The following COL14A1 variants were observed in gnomAD, a reference collection of about 807,000 sequenced individuals.
COL14A1 encodes the protein collagen alpha-1(XIV) chain.
In COL14A1, 136 loss-of-function variants were observed where a neutral mutation model predicts 230.3. That is an observed-to-expected ratio of 0.59 (90% CI 0.51 to 0.68). The LOEUF (loss-of-function observed/expected upper bound fraction) is 0.68. COL14A1 is among the 30% of genes least tolerant of loss of function. The pLI, the probability that COL14A1 is intolerant of heterozygous loss-of-function variation, is 0.00. For synonymous variants in COL14A1, 792 were observed against 784.1 expected (o/e 1.01, Z -0.17); for missense variants, 1,976 against 2,215.8 (o/e 0.89, Z 2.17).
At chr8:120,268,007 G>C (rs1819547627) in intron 25 of COL14A1, among the ~76,000 whole-genome samples, 1 of 151,744 alleles carries the variant, frequency 6.6e-6, no homozygotes, top group Non-Finnish European at 1.5e-5. Context: ...AAGTTGTTGA[G>C]AGCTTAAAGC....
intron 14 of COL14A1, among the ~76,000 whole-genome samples, chr8:120,218,898 A>G (rs559639110): frequency 1.3e-5 from 2 of 152,280 alleles, no homozygotes; most frequent in South Asian, 4.1e-4. Flanking sequence ...TATCAATTTA[A>G]AAGAGTTGAC....
chr8:120,287,228 A>C (rs1216831951), intron 33 of COL14A1, among the ~76,000 whole-genome samples: 2 of 151,910 alleles, frequency 1.3e-5, no homozygotes, highest in Non-Finnish European at 2.9e-5. Flanking sequence ...AAAAAAAAAA[A>C]CAACTTGCTT....
intron 5 of COL14A1, among the ~76,000 whole-genome samples, chr8:120,175,509 C>T (rs546604747): frequency 5.7e-4 from 87 of 152,180 alleles, no homozygotes; most frequent in South Asian, 3.3e-3. Context: ...TCAGTGTTCT[C>T]ATTTTCTGGG....
intron 5 of COL14A1, among the ~76,000 whole-genome samples, chr8:120,181,279 A>G (rs1252750192): frequency 1.3e-5 from 2 of 152,216 alleles, no homozygotes; most frequent in South Asian, 4.1e-4. Context: ...CACTATTAAG[A>G]TGAACTTGTT....
chr8:120,369,873 G>C (rs1421239128), intron 47 of COL14A1, among the ~76,000 whole-genome samples: 1 of 152,110 alleles, frequency 6.6e-6, no homozygotes, highest in African/African-American at 2.4e-5. Context: ...TTTTACTCTT[G>C]GTTTGGGGAA....
chr8:120,130,218 G>A (rs1008290977), intron 1 of COL14A1, among the ~76,000 whole-genome samples: 11 of 152,158 alleles, frequency 7.2e-5, no homozygotes, highest in African/African-American at 1.9e-4. Flanking sequence ...CTTTTCTGAC[G>A]AAGGAAGCAA....
chr8:120,153,641 GATTC>G (rs1815366018), intron 2 of COL14A1, among the ~76,000 whole-genome samples: 1 of 152,136 alleles, frequency 6.6e-6, no homozygotes, highest in Non-Finnish European at 1.5e-5. Context: ...CTCTCAATGT[GATTC>G]ATGCTGCATT....
chr8:120,164,694 C>G (rs1815806000), intron 4 of COL14A1, among the ~76,000 whole-genome samples: 1 of 152,154 alleles, frequency 6.6e-6, no homozygotes, highest in Non-Finnish European at 1.5e-5. Context: ...TGTCTGGGAG[C>G]TTTGGAAAAG....
intron 35 of COL14A1, among the ~76,000 whole-genome samples, chr8:120,300,134 TA>T (rs1225371522): frequency 6.6e-6 from 1 of 152,010 alleles, no homozygotes; most frequent in African/African-American, 2.4e-5. Context: ...ATGACAACAA[TA>T]TTCCCTAAGA....
At chr8:120,248,731 C>T (rs1351843354) in intron 21 of COL14A1, among the ~76,000 whole-genome samples, 2 of 151,912 alleles carry the variant, frequency 1.3e-5, no homozygotes, top group South Asian at 2.1e-4. Context: ...TGGCATGCAC[C>T]GTACCCCCAG....
intron 22 of COL14A1, among the ~76,000 whole-genome samples, chr8:120,254,806 G>A (rs966555995): frequency 6.6e-5 from 7 of 106,016 alleles, no homozygotes; most frequent in Non-Finnish European, 9.0e-5. Context: ...GCAACATGGC[G>A]AAACACTGCC....
intron 14 of COL14A1, 24 bp from the exon 15 acceptor site, chr8:120,225,064 T>A (rs987365660): frequency 6.2e-7 from 1 of 1,603,252 alleles, no homozygotes; most frequent in Non-Finnish European, 8.5e-7. Context: ...ATAGAGCTGT[T>A]ATTATGACTT....
intron 14 of COL14A1, among the ~76,000 whole-genome samples, chr8:120,218,254 A>G (rs965929705): frequency 9.1e-6 from 1 of 110,174 alleles, no homozygotes; most frequent in Non-Finnish European, 1.9e-5. Context: ...ATATATAAGT[A>G]TATGTCTATA....
chr8:120,268,866 A>G (rs1819575841), intron 25 of COL14A1, among the ~76,000 whole-genome samples: 1 of 151,662 alleles, frequency 6.6e-6, no homozygotes, highest in South Asian at 2.1e-4. Flanking sequence ...TTTCATTTTT[A>G]TCTTTCCATG....
rs531288069 is a variant in COL14A1 at position 120,239,834 on chromosome 8, T to G, written c.2350-4045T>G. ...GTTTTGTTTTGTTTCTGTTTTTTGT[T>G]TTTTTTTTGTTTGTTTGCTTTTTGT... On this transcript the variant is annotated intron_variant, in intron 19 of 47. Coordinates refer to ENST00000297848, the MANE Select transcript of COL14A1 (RefSeq NM_021110.4). Among the ~76,000 whole-genome samples, 5 of 95,332 alleles carry G rather than the reference T, an allele frequency of 5.2e-5. No homozygotes were observed. In the Admixed American group the frequency reaches 5.5e-4, roughly 10 times the overall value. 62.5% of individuals were successfully genotyped at this position (95,332 alleles called of 152,430 possible).
chr8:120,317,424 C>T (rs1460541264), intron 40 of COL14A1, among the ~76,000 whole-genome samples: 3 of 151,974 alleles, frequency 2.0e-5, no homozygotes, highest in African/African-American at 4.8e-5. Flanking sequence ...TTAGTCAGTC[C>T]GTGAAATATG....
Position 120,278,563 on chromosome 8 carries a change from G to A in COL14A1, c.3466G>A (p.Glu1156Lys), listed in dbSNP as rs1438839411. The A allele has an allele frequency of 8.7e-6, 14 of 1,612,264 alleles. No individual in the cohort carries two copies. The East Asian group carries it at 2.9e-4, about 33-fold the overall frequency. ...SQDDVNKISR[E>K]MQLDGYSIFA... ...AGATGATGTGAACAAAATCTCCAGG[G>A]AGATGCAATTAGATGGTAAGATATA... is the stretch of plus-strand genomic sequence containing the variant. The change falls in exon 28 of 48, where the codon GAG becomes AAG. Residue 1156 changes from glutamate to lysine, a missense_variant. This residue lies in a region of COL14A1 where 1,791 missense variants were observed against 2,019.5 expected (regional missense o/e 0.89). Coordinates refer to ENST00000297848, the MANE Select transcript of COL14A1 (RefSeq NM_021110.4).
chr8:120,370,593 T>C, intron 47 of COL14A1: 1 of 1,454,348 alleles, frequency 6.9e-7, no homozygotes, highest in South Asian at 1.4e-5. Flanking sequence ...TATATGTCTA[T>C]TTTAATAGAC....
Position 120,372,800 on chromosome 8 carries a change from C to T in COL14A1, c.*1569C>T, listed in dbSNP as rs780691559. Among the ~76,000 whole-genome samples the T allele has an allele frequency of 7.1e-6, 1 of 141,722 alleles. No individual in the cohort carries two copies. Among genetic ancestry groups the T allele is most frequent in the Non-Finnish European group, 1.5e-5 (1 of 64,608 alleles). 93.0% of individuals were successfully genotyped at this position (141,722 alleles called of 152,430 possible). A position where few individuals can be genotyped will look rare whatever the true frequency, so the allele number is the denominator to read the frequency against. ...TCATCTGAAGGATTCAAACAATCTA[C>T]TTGTGTGCCTTTGGTGGGGTGGGGC... On this transcript the variant is annotated 3_prime_UTR_variant, in exon 48 of 48. Transcript: ENST00000297848.
Sources: gnomAD v4.1 joint callset for allele counts (sites outside exome capture counted in the v4.1 genomes callset) on GRCh38, gnomAD v4.1.1 for gene constraint, gnomAD v4.1.1 regional missense constraint, MANE v1.5 for transcripts, NCBI Gene and HGNC (gene_info 2026-07-23, HGNC 2026-07-21) for gene names.